Variants in ATP9B observed in about 807,000 individuals in gnomAD.
ATP9B encodes the protein ATPase phospholipid transporting 9B.
ATP9B carries 110 observed loss-of-function variants against 146.1 expected under a neutral mutation model. The observed-to-expected ratio is 0.75, with a 90% confidence interval of 0.65 to 0.88. The LOEUF (loss-of-function observed/expected upper bound fraction) is 0.88. Among genes scored for constraint, ATP9B ranks in the 40% least tolerant of loss-of-function variants. The pLI, the probability that ATP9B is intolerant of heterozygous loss-of-function variation, is 0.00. For synonymous variants in ATP9B, 604 were observed against 569.7 expected (o/e 1.06, Z -0.86); for missense variants, 1,499 against 1,496.4 (o/e 1.00, Z -0.03).
At chr18:79,292,870 G>A (rs992202118) in intron 13 of ATP9B, among the ~76,000 whole-genome samples, 1 of 152,022 alleles carries the variant, frequency 6.6e-6, no homozygotes, top group African/African-American at 2.4e-5. Context: ...TGATCCTCGT[G>A]CCTCAGCACC....
chr18:79,283,753 G>GC (rs1204622142), intron 13 of ATP9B, among the ~76,000 whole-genome samples: 1 of 152,210 alleles, frequency 6.6e-6, no homozygotes, highest in Non-Finnish European at 1.5e-5. Flanking sequence ...AATACTCGAC[G>GC]CCGGCTGATA....
chr18:79,159,711 A>G (rs958064950), intron 7 of ATP9B, among the ~76,000 whole-genome samples: 8 of 152,126 alleles, frequency 5.3e-5, no homozygotes, highest in African/African-American at 1.2e-4. Context: ...CAGCACACCT[A>G]TCTAGCTACC....
chr18:79,334,579 A>AG (rs1043212268), intron 17 of ATP9B, among the ~76,000 whole-genome samples: 3 of 152,082 alleles, frequency 2.0e-5, no homozygotes, highest in Non-Finnish European at 4.4e-5. Flanking sequence ...CACACAGCAG[A>AG]GGGGGGTGGG....
chr18:79,285,241 T>G (rs960708722), intron 13 of ATP9B, among the ~76,000 whole-genome samples: 5 of 151,592 alleles, frequency 3.3e-5, no homozygotes, highest in African/African-American at 1.2e-4. Context: ...CCACCAACAG[T>G]GTAAAAGTGT....
chr18:79,327,715 G>GTTAGTGTGCTCTCCGTGT (rs2096762874), intron 15 of ATP9B, among the ~76,000 whole-genome samples: 1 of 97,336 alleles, frequency 1.0e-5, no homozygotes, highest in African/African-American at 4.2e-5. Flanking sequence ...TCTCTCCATG[G>GTTAGTGTGCTCTCCGTGT]TTAGCGTGCT....
At chr18:79,333,085 C>T (rs2096800338) in intron 17 of ATP9B, 1 of 152,324 alleles carries the variant, frequency 6.6e-6, no homozygotes, top group African/African-American at 2.4e-5. Flanking sequence ...GTGGGGCCTC[C>T]CACATGGAGG....
chr18:79,286,748 T>C (rs1317736702), intron 13 of ATP9B, among the ~76,000 whole-genome samples: 1 of 152,192 alleles, frequency 6.6e-6, no homozygotes, highest in African/African-American at 2.4e-5. Flanking sequence ...TGATATTGGC[T>C]GTGGGTTTGT....
chr18:79,342,980 G>GT (rs1211386924), intron 20 of ATP9B, among the ~76,000 whole-genome samples: 5 of 152,140 alleles, frequency 3.3e-5, no homozygotes, highest in Admixed American at 2.6e-4. Flanking sequence ...TGTGTTTACT[G>GT]TATGTATTAG....
intron 11 of ATP9B, among the ~76,000 whole-genome samples, chr18:79,218,430 T>C (rs926645776): frequency 4.0e-5 from 6 of 151,056 alleles, no homozygotes; most frequent in Non-Finnish European, 8.8e-5. Flanking sequence ...CATGTTTTCC[T>C]TGTGTTCCTT....
chr18:79,080,620 T>G (rs1029124295), intron 1 of ATP9B, among the ~76,000 whole-genome samples: 2 of 152,172 alleles, frequency 1.3e-5, no homozygotes, highest in Non-Finnish European at 2.9e-5. Context: ...ATTTCTTTCT[T>G]TTGCCTGATT....
intron 10 of ATP9B, among the ~76,000 whole-genome samples, chr18:79,210,805 C>T (rs967733505): frequency 3.3e-5 from 5 of 152,166 alleles, no homozygotes; most frequent in African/African-American, 9.7e-5. Flanking sequence ...CTTTTGCTAA[C>T]GGTATCTAGC....
At chr18:79,190,547 T>C (rs59751593) in intron 8 of ATP9B, among the ~76,000 whole-genome samples, 40,328 of 101,312 alleles carry the variant, frequency 0.4, 7,354 homozygotes, top group African/African-American at 0.64. Flanking sequence ...CACACACACA[T>C]ATACATATAT....
At chr18:79,134,216 C>T (rs904231370) in intron 5 of ATP9B, among the ~76,000 whole-genome samples, 3 of 152,164 alleles carry the variant, frequency 2.0e-5, no homozygotes, top group African/African-American at 7.2e-5. Context: ...GTAATAGCCA[C>T]TCTGTCTGGT....
chr18:79,085,155 A>AAG (rs2073690056), intron 1 of ATP9B: 1 of 152,252 alleles, frequency 6.6e-6, no homozygotes, highest in Admixed American at 6.5e-5. Flanking sequence ...GAAAGGGAGC[A>AAG]AGAGAGAGAA....
At chr18:79,116,899 G>GTATTA (rs2094087241) in intron 4 of ATP9B, among the ~76,000 whole-genome samples, 1 of 99,400 alleles carries the variant, frequency 1.0e-5, no homozygotes, top group Non-Finnish European at 1.9e-5. Context: ...ATGTGCACAT[G>GTATTA]TACCCTAAAA....
chr18:79,183,388 A>G (rs9675793), intron 8 of ATP9B, among the ~76,000 whole-genome samples: 87,611 of 152,032 alleles, frequency 0.58, 26,843 homozygotes, highest in African/African-American at 0.8. Context: ...ACTGTTTTCC[A>G]ATCTGATAAC....
intron 4 of ATP9B, among the ~76,000 whole-genome samples, chr18:79,124,600 A>G (rs921400162): frequency 1.3e-5 from 2 of 152,384 alleles, no homozygotes; most frequent in Middle Eastern, 3.4e-3. Flanking sequence ...TACACTGGCA[A>G]AGATCAGAAA....
intron 1 of ATP9B, among the ~76,000 whole-genome samples, chr18:79,070,703 G>A (rs1334544024): frequency 2.6e-5 from 4 of 151,696 alleles, no homozygotes; most frequent in East Asian, 1.9e-4. Flanking sequence ...TGTGGTGCAC[G>A]CACATTCAAG....
intron 8 of ATP9B, among the ~76,000 whole-genome samples, chr18:79,184,366 GTTTGTTTT>G (rs2095283645): frequency 6.6e-6 from 1 of 152,162 alleles, no homozygotes; most frequent in Non-Finnish European, 1.5e-5. Flanking sequence ...TTGTTTGTTT[GTTTGTTTT>G]TTTAATTTCA....
Sources: allele counts gnomAD v4.1 joint callset (sites outside exome capture counted in the v4.1 genomes callset), GRCh38; gene constraint gnomAD v4.1.1; transcripts MANE v1.5; gene names NCBI Gene and HGNC (gene_info 2026-07-23, HGNC 2026-07-21).